Variants in CDH13 observed in about 807,000 individuals in gnomAD.
CDH13 encodes cadherin-13.
Under a neutral mutation model 63.8 loss-of-function variants are expected in CDH13, and 24 were observed. The ratio of observed to expected loss-of-function variants is 0.38; its 90% CI spans 0.27 to 0.53. The LOEUF (loss-of-function observed/expected upper bound fraction) is 0.53, where lower values mean the gene tolerates loss of function less well. Among genes scored for constraint, CDH13 ranks in the 20% least tolerant of loss-of-function variants. CDH13 has a pLI of 0.85. For synonymous variants in CDH13, 503 were observed against 355.3 expected (o/e 1.42, Z -4.67); for missense variants, 1,049 against 903.1 (o/e 1.16, Z -2.07).
intron 3 of CDH13, among the ~76,000 whole-genome samples, chr16:83,090,414 A>T (rs994405545): frequency 6.6e-6 from 1 of 151,984 alleles, no homozygotes; most frequent in Non-Finnish European, 1.5e-5. Flanking sequence ...TCTCTACTAA[A>T]AATACAAAAA....
At chr16:83,038,009 A>G (rs11642883) in intron 3 of CDH13, among the ~76,000 whole-genome samples, 28,135 of 152,110 alleles carry the variant, frequency 0.18, 3,197 homozygotes, top group East Asian at 0.29. Context: ...CAGAAGCCAG[A>G]GATGGGGAAC....
At chr16:83,391,188 A>C (rs546337859) in intron 6 of CDH13, among the ~76,000 whole-genome samples, 8 of 151,634 alleles carry the variant, frequency 5.3e-5, no homozygotes, top group African/African-American at 1.7e-4. Context: ...TGACATTCAT[A>C]AGATGTTAAC....
chr16:83,112,965 G>A (rs1051137913), intron 3 of CDH13, among the ~76,000 whole-genome samples: 1 of 152,122 alleles, frequency 6.6e-6, no homozygotes, highest in Non-Finnish European at 1.5e-5. Context: ...ACTCATGTCT[G>A]GTACACATGA....
At chr16:83,016,811 T>C (rs1333624935) in intron 2 of CDH13, among the ~76,000 whole-genome samples, 4 of 149,266 alleles carry the variant, frequency 2.7e-5, no homozygotes, top group African/African-American at 9.7e-5. Context: ...AAAATGCTTT[T>C]GGATCTTTTT....
chr16:83,514,166 A>G (rs149108673), intron 7 of CDH13, among the ~76,000 whole-genome samples: 122 of 152,304 alleles, frequency 8.0e-4, no homozygotes, highest in African/African-American at 2.9e-3. Context: ...CATGCACTTA[A>G]TCCTCACAAT....
At chr16:83,715,537 C>T (rs1908762422) in intron 10 of CDH13, among the ~76,000 whole-genome samples, 1 of 152,210 alleles carries the variant, frequency 6.6e-6, no homozygotes, top group South Asian at 2.1e-4. Flanking sequence ...AATGCATTTT[C>T]CAATACTATC....
chr16:82,874,182 A>G (rs2040430960), intron 2 of CDH13, among the ~76,000 whole-genome samples: 1 of 152,210 alleles, frequency 6.6e-6, no homozygotes, highest in Non-Finnish European at 1.5e-5. Flanking sequence ...ACCACAAATA[A>G]CATCATGTCA....
At chr16:82,937,684 G>T (rs1162108442) in intron 2 of CDH13, among the ~76,000 whole-genome samples, 1 of 152,182 alleles carries the variant, frequency 6.6e-6, no homozygotes, top group Non-Finnish European at 1.5e-5. Context: ...TCTCTGAACT[G>T]CAGGAACTTC....
intron 5 of CDH13, among the ~76,000 whole-genome samples, chr16:83,221,170 T>C (rs548203903): frequency 2.6e-4 from 39 of 152,326 alleles, no homozygotes; most frequent in African/African-American, 7.7e-4. Context: ...AGATTTTATA[T>C]CTAATCTGCA....
chr16:83,136,486 C>CAAAAA (rs542700844), intron 4 of CDH13, among the ~76,000 whole-genome samples: 1 of 61,528 alleles, frequency 1.6e-5, no homozygotes, highest in African/African-American at 5.5e-5. Flanking sequence ...ACTCTGTCTC[C>CAAAAA]AAAAAAAAAA....
intron 2 of CDH13, among the ~76,000 whole-genome samples, chr16:83,003,886 A>T (rs1223955310): frequency 6.6e-6 from 1 of 152,182 alleles, no homozygotes; most frequent in African/African-American, 2.4e-5. Flanking sequence ...CCTCTCTGTC[A>T]CTTCTTTTAT....
At chr16:83,198,914 CTA>C (rs1248226343) in intron 4 of CDH13, among the ~76,000 whole-genome samples, 1 of 152,080 alleles carries the variant, frequency 6.6e-6, no homozygotes. Flanking sequence ...AGTTGTGAAA[CTA>C]TAAAAAATAT....
intron 7 of CDH13, among the ~76,000 whole-genome samples, chr16:83,570,946 C>CATATATATATATATATATATATATATAT (rs57586630): frequency 2.7e-5 from 3 of 110,058 alleles, no homozygotes; most frequent in East Asian, 2.8e-4. Context: ...ATAACTCATC[C>CATATATATATATATATATATATATATAT]ATATATATAT....
intron 1 of CDH13, among the ~76,000 whole-genome samples, chr16:82,630,495 C>G (rs1019925688): frequency 6.6e-6 from 1 of 152,184 alleles, no homozygotes; most frequent in African/African-American, 2.4e-5. Flanking sequence ...TATCTTTAGC[C>G]CTTGGGTTTT....
At chr16:82,733,899 CTT>C (rs1356580941) in intron 1 of CDH13, among the ~76,000 whole-genome samples, 5 of 152,246 alleles carry the variant, frequency 3.3e-5, no homozygotes, top group African/African-American at 1.2e-4. Flanking sequence ...GAACCAGTGA[CTT>C]TGCTTAGGAA....
intron 1 of CDH13, among the ~76,000 whole-genome samples, chr16:82,628,125 CG>C (rs1227278276): frequency 6.6e-6 from 1 of 152,176 alleles, no homozygotes; most frequent in Non-Finnish European, 1.5e-5. Context: ...CTGGCCGCTG[CG>C]GGGGGCACGC....
At chr16:83,403,870 T>C (rs1047262518) in intron 6 of CDH13, among the ~76,000 whole-genome samples, 31 of 152,076 alleles carry the variant, frequency 2.0e-4, no homozygotes, top group African/African-American at 6.8e-4. Flanking sequence ...AAAAGGAAGG[T>C]GATTTACAAT....
chr16:82,814,237 A>T (rs1447786612), intron 1 of CDH13, among the ~76,000 whole-genome samples: 2 of 152,148 alleles, frequency 1.3e-5, no homozygotes, highest in Admixed American at 1.3e-4. Context: ...GGAACATCTG[A>T]CACAGAGCTC....
chr16:82,692,714 C>G (rs117348230), intron 1 of CDH13, among the ~76,000 whole-genome samples: 4 of 152,238 alleles, frequency 2.6e-5, no homozygotes, highest in African/African-American at 9.6e-5. Flanking sequence ...GGAGAGAGAA[C>G]GTGGGTTCTC....
Sources: gnomAD v4.1 joint callset for allele counts (sites outside exome capture counted in the v4.1 genomes callset) on GRCh38, gnomAD v4.1.1 for gene constraint, MANE v1.5 for transcripts, NCBI Gene and HGNC (gene_info 2026-07-23, HGNC 2026-07-21) for gene names.